Variants in CPM observed in about 807,000 individuals in gnomAD.
CPM encodes the protein carboxypeptidase M, also known as renal carboxypeptidase.
CPM carries 35 observed loss-of-function variants against 46.4 expected under a neutral mutation model. The observed-to-expected ratio is 0.75, with a 90% CI of 0.58 to 1.00. The LOEUF (loss-of-function observed/expected upper bound fraction) is 1.00, where lower values mean the gene tolerates loss of function less well. CPM is among the 50% of genes least tolerant of loss of function. The pLI is 0.00. For synonymous variants in CPM, 195 were observed against 195.3 expected (o/e 1.00, Z 0.01); for missense variants, 422 against 530.4 (o/e 0.80, Z 2.01).
upstream of CPM, among the ~76,000 whole-genome samples, chr12:68,934,289 T>A (rs1444386387): frequency 1.3e-5 from 2 of 152,168 alleles, no homozygotes; most frequent in Non-Finnish European, 2.9e-5. Context: ...CACGACTAAT[T>A]GAATAGAATT....
chr12:68,907,756 T>C (rs1228992184), intron 2 of CPM, among the ~76,000 whole-genome samples: 4 of 152,236 alleles, frequency 2.6e-5, no homozygotes, highest in Admixed American at 6.5e-5. Context: ...CATGTAGTCA[T>C]CCACTTTTGC....
chr12:68,957,044 A>G (rs1889031960), intron 1 of CPM, among the ~76,000 whole-genome samples: 1 of 152,220 alleles, frequency 6.6e-6, no homozygotes, highest in South Asian at 2.1e-4. Flanking sequence ...CCCTGACGCC[A>G]TCACCAGACA....
intron 2 of CPM, among the ~76,000 whole-genome samples, chr12:68,917,199 C>T (rs900652927): frequency 3.7e-5 from 5 of 134,942 alleles, no homozygotes; most frequent in African/African-American, 1.5e-4. Flanking sequence ...TATTGCCTCG[C>T]CTTTCCCTTT....
In CPM at chr12:68,949,251, G is replaced by A. The variant is rs930707899; in HGVS notation, c.-4+13918C>T. ...TTGGGCATGGTGGCACACACCTGTGGTCCCAGCTACTCAGGGGGCTGAGGC... is the reference window on the plus strand; with the variant it reads ...TTGGGCATGGTGGCACACACCTGTGATCCCAGCTACTCAGGGGGCTGAGGC... On this transcript the variant is annotated intron_variant, in intron 1 of 8. Coordinates refer to the CPM transcript ENST00000546373. Among the ~76,000 whole-genome samples, 7 of 152,270 alleles carry A rather than the reference G, an allele frequency of 4.6e-5. No individual in the cohort carries two copies. The East Asian group carries it at 1.4e-3, about 29-fold the overall frequency.
intron 5 of CPM, chr12:68,843,093 G>T (rs868516564): frequency 2.1e-4 from 41 of 199,286 alleles, no homozygotes; most frequent in Middle Eastern, 1.5e-3. Flanking sequence ...TGTTGTGTGG[G>T]TTTTTTTTTT....
At chr12:68,902,789 T>A (rs1162740334) in intron 2 of CPM, among the ~76,000 whole-genome samples, 2 of 152,222 alleles carry the variant, frequency 1.3e-5, no homozygotes, top group Non-Finnish European at 2.9e-5. Context: ...TGTTTTACTC[T>A]AAGGTTAATG....
At chr12:68,930,695 G>A (rs1474828998) in intron 2 of CPM, among the ~76,000 whole-genome samples, 1 of 152,204 alleles carries the variant, frequency 6.6e-6, no homozygotes, top group Non-Finnish European at 1.5e-5. Context: ...CCGCAAGAGT[G>A]CATACAAGGT....
chr12:68,961,149 C>T (rs79598894), intron 1 of CPM, among the ~76,000 whole-genome samples: 2,517 of 152,120 alleles, frequency 0.017, 65 homozygotes, highest in African/African-American at 0.058. Flanking sequence ...TACCTATAGT[C>T]TTAAAAAAAT....
At chr12:68,938,061 A>G (rs1352404013), upstream of CPM, among the ~76,000 whole-genome samples, 5 of 152,242 alleles carry the variant, frequency 3.3e-5, no homozygotes, top group African/African-American at 1.2e-4. Flanking sequence ...AGATAGTAGC[A>G]GGAATTGGGA....
chr12:68,879,929 T>G (rs1256590567), intron 3 of CPM, among the ~76,000 whole-genome samples: 1 of 152,134 alleles, frequency 6.6e-6, no homozygotes, highest in African/African-American at 2.4e-5. Flanking sequence ...GTTTTCAGTA[T>G]AGCTCTGATT....
At chr12:68,901,568 C>T (rs1432665903) in intron 2 of CPM, among the ~76,000 whole-genome samples, 1 of 152,214 alleles carries the variant, frequency 6.6e-6, no homozygotes, top group African/African-American at 2.4e-5. Context: ...TTACAACTAG[C>T]AAAAGCTACA....
rs144618005 is a variant in CPM at position 68,872,279 on chromosome 12, T to C, written c.259-323A>G. The stretch of plus-strand genomic sequence containing the variant: ...TTTTTTTTTTTTTTTTTTGAGACAG[T>C]CTCAACTCCGTCACCCAGGCTGGAG... On this transcript the variant is annotated intron_variant, in intron 3 of 8. Transcript: ENST00000551568. Among the ~76,000 whole-genome samples, 844 of 128,890 alleles carry C rather than the reference T, an allele frequency of 6.5e-3. 14 individuals are homozygous for C. Among genetic ancestry groups the C allele is most frequent in the African/African-American group, 0.023 (799 of 34,258 alleles). The allele number at this position is 128,890 out of a possible 152,430, so 84.6% of individuals were successfully genotyped here. A position where few individuals can be genotyped will look rare whatever the true frequency, so the allele number is the denominator to read the frequency against.
At chr12:68,941,835 C>T (rs1308058299) in intron 1 of CPM, among the ~76,000 whole-genome samples, 1 of 152,092 alleles carries the variant, frequency 6.6e-6, no homozygotes, top group African/African-American at 2.4e-5. Context: ...ATCAGTACCC[C>T]CAGCAAAACC....
chr12:68,960,590 T>A (rs186984713), intron 1 of CPM, among the ~76,000 whole-genome samples: 2 of 152,358 alleles, frequency 1.3e-5, no homozygotes, highest in East Asian at 3.9e-4. Context: ...TAGAACATCA[T>A]ATTTTGAGAT....
intron 1 of CPM, among the ~76,000 whole-genome samples, chr12:68,959,266 A>G (rs911897872): frequency 2.6e-5 from 4 of 152,212 alleles, no homozygotes; most frequent in Non-Finnish European, 5.9e-5. Context: ...ATGAATGAAT[A>G]TCTTTTAGAA....
chr12:68,907,818 G>GTTATTTATTTATTTATTTAT (rs528453019), intron 2 of CPM, among the ~76,000 whole-genome samples: 16 of 151,664 alleles, frequency 1.1e-4, no homozygotes, highest in South Asian at 6.3e-4. Flanking sequence ...GGCTGGGTTG[G>GTTATTTATTTATTTATTTAT]TTATTTATTT....
At chr12:68,884,110 GAAAAAAAAAAAA>G (rs35514888) in intron 3 of CPM, among the ~76,000 whole-genome samples, 1 of 63,880 alleles carries the variant, frequency 1.6e-5, no homozygotes, top group African/African-American at 6.2e-5. Flanking sequence ...AATTCCATCG[GAAAAAAAAAAAA>G]AAAAAAAAAA....
At chr12:68,948,238 C>T (rs1025467252) in intron 1 of CPM, among the ~76,000 whole-genome samples, 4 of 152,114 alleles carry the variant, frequency 2.6e-5, no homozygotes, top group Admixed American at 2.6e-4. Flanking sequence ...CAGATAAATA[C>T]CGCTAACAAT....
Position 68,931,733 on chromosome 12 carries a change from G to A in CPM, c.160+945C>T, listed in dbSNP as rs371907451. Among the ~76,000 whole-genome samples, 149 of 110,914 alleles carry A rather than the reference G, an allele frequency of 1.3e-3. 1 individual carries two copies. The East Asian group carries it at 0.034, about 25-fold the overall frequency. 72.8% of individuals were successfully genotyped at this position (110,914 alleles called of 152,430 possible). On this transcript the variant is annotated intron_variant, in intron 2 of 8. Transcript: ENST00000551568. ...TGCACTCCAGCCTGGGCAACAGAGC[G>A]AGACTCTGACCAAAAAAAAAAAAAA... is the stretch of plus-strand genomic sequence containing the variant.
Sources: gnomAD v4.1 joint callset for allele counts (sites outside exome capture counted in the v4.1 genomes callset) on GRCh38, gnomAD v4.1.1 for gene constraint, MANE v1.5 for transcripts, NCBI Gene and HGNC (gene_info 2026-07-23, HGNC 2026-07-21) for gene names.